CAST: variants seen among roughly 807,000 people sequenced by gnomAD.
CAST encodes the protein calpastatin, also known as MIR583 host.
In CAST, 76 loss-of-function variants were observed where a neutral mutation model predicts 119.6. The observed-to-expected ratio is 0.64, with a 90% confidence interval of 0.53 to 0.77. The LOEUF is 0.77. Among genes scored for constraint, CAST ranks in the 30% least tolerant of loss-of-function variants. The pLI is 0.00. For synonymous variants in CAST, 319 were observed against 331.6 expected (o/e 0.96, Z 0.41); for missense variants, 953 against 946.5 (o/e 1.01, Z -0.09).
the CAST span, among the ~76,000 whole-genome samples, chr5:96,255,241 T>TAAA: frequency 6.6e-6 from 1 of 152,248 alleles, no homozygotes; most frequent in East Asian, 1.9e-4. Flanking sequence ...TGTGTCAAAA[T>TAAA]AAATGCAGGA....
At chr5:96,714,086 C>G (rs997129776) in intron 3 of CAST, among the ~76,000 whole-genome samples, 2 of 152,198 alleles carry the variant, frequency 1.3e-5, no homozygotes, top group Non-Finnish European at 1.5e-5. Flanking sequence ...TCACTGCTGT[C>G]TATTGATGTA....
the CAST span, among the ~76,000 whole-genome samples, chr5:96,009,897 G>T: frequency 6.6e-6 from 1 of 152,066 alleles, no homozygotes; most frequent in Non-Finnish European, 1.5e-5. Context: ...TATTTTATAG[G>T]TTTTCTTCTA....
the CAST span, among the ~76,000 whole-genome samples, chr5:96,013,303 T>C: frequency 6.6e-6 from 1 of 151,498 alleles, no homozygotes; most frequent in African/African-American, 2.4e-5. Flanking sequence ...AATGATAATA[T>C]AGAGAATATA....
At chr5:96,179,227 T>C in the CAST span, among the ~76,000 whole-genome samples, 36 of 152,282 alleles carry the variant, frequency 2.4e-4, 1 homozygote, top group East Asian at 5.4e-3. Flanking sequence ...AGGCTCTCCA[T>C]TGCGTTCAGG....
chr5:96,011,456 G>T, the CAST span, among the ~76,000 whole-genome samples: 1 of 152,154 alleles, frequency 6.6e-6, no homozygotes, highest in African/African-American at 2.4e-5. Context: ...GCTGACATGG[G>T]TACATAGTTG....
the CAST span, among the ~76,000 whole-genome samples, chr5:96,016,135 A>G: frequency 6.6e-6 from 1 of 152,170 alleles, no homozygotes; most frequent in African/African-American, 2.4e-5. Flanking sequence ...TGCCTAGGAG[A>G]TCAGCCTGCC....
the CAST span, among the ~76,000 whole-genome samples, chr5:96,175,440 AT>A: frequency 6.6e-6 from 1 of 152,254 alleles, no homozygotes; most frequent in Non-Finnish European, 1.5e-5. Flanking sequence ...AAAGAACTAA[AT>A]AAGACAAACA....
the CAST span, among the ~76,000 whole-genome samples, chr5:96,050,826 G>A: frequency 6.6e-5 from 10 of 152,178 alleles, no homozygotes; most frequent in South Asian, 2.1e-4. Flanking sequence ...ACCGATGGGC[G>A]AGTACTGGAG....
chr5:96,458,037 C>A, the CAST span, among the ~76,000 whole-genome samples: 2 of 152,020 alleles, frequency 1.3e-5, no homozygotes, highest in Non-Finnish European at 2.9e-5. Flanking sequence ...GTTAACAGCT[C>A]GCCCAGTCTG....
chr5:96,407,957 T>C, the CAST span, among the ~76,000 whole-genome samples: 1 of 152,206 alleles, frequency 6.6e-6, no homozygotes, highest in Admixed American at 6.5e-5. Context: ...GGAGAAAGTA[T>C]GTTTAATATA....
the CAST span, among the ~76,000 whole-genome samples, chr5:96,086,271 C>G: frequency 1.3e-5 from 2 of 151,884 alleles, no homozygotes; most frequent in African/African-American, 4.8e-5. Flanking sequence ...AATGGAGGGC[C>G]CATTTTAATA....
chr5:96,180,425 T>C, the CAST span, among the ~76,000 whole-genome samples: 18 of 152,322 alleles, frequency 1.2e-4, no homozygotes, highest in East Asian at 2.9e-3. Context: ...TCTGGGACCA[T>C]ATGTAGAGCC....
chr5:96,102,545 T>G, the CAST span, among the ~76,000 whole-genome samples: 1 of 152,146 alleles, frequency 6.6e-6, no homozygotes, highest in Non-Finnish European at 1.5e-5. Context: ...AAATTCTCAC[T>G]TTGGGCCGTG....
the CAST span, among the ~76,000 whole-genome samples, chr5:96,308,418 G>A: frequency 4.0e-5 from 6 of 151,698 alleles, no homozygotes; most frequent in Non-Finnish European, 5.9e-5. Context: ...TTAGCTCTGG[G>A]GAATTGTTAT....
At chr5:96,566,515 A>G (rs771500407) in intron 1 of CAST, among the ~76,000 whole-genome samples, 1 of 152,182 alleles carries the variant, frequency 6.6e-6, no homozygotes, top group Non-Finnish European at 1.5e-5. Context: ...TAAAGCAAGA[A>G]AGCTAGGAAT....
At position 96,675,599 on chromosome 5, in the gene CAST, G is replaced by A. The variant is rs750625444; in HGVS notation, c.136G>A (p.Glu46Lys). The change falls in exon 2 of 32, where the codon GAG becomes AAG. Residue 46 changes from glutamate (E) to lysine (K), a missense_variant and splice_region_variant. Glu to Lys is a moderately conservative substitution (Grantham distance 56). Transcript: ENST00000675179. ...SKPGEKKGSD[E>K]KKAASLGSSQ... ...ACCAGGAGAAAAGAAAGGATCAGAT[G>A]AGGTAATTTCCACAATACTGGGCTT... The A allele has an allele frequency of 5.6e-6, 9 of 1,609,802 alleles. No individual in the cohort carries two copies. The Admixed American group carries it at 1.5e-4, about 27-fold the overall frequency.
At chr5:96,045,639 A>G in the CAST span, among the ~76,000 whole-genome samples, 12 of 152,262 alleles carry the variant, frequency 7.9e-5, no homozygotes, top group Middle Eastern at 3.4e-3. Context: ...AATTTTGTGG[A>G]TTGTGTGCCA....
At chr5:96,362,112 C>T in the CAST span, among the ~76,000 whole-genome samples, 2 of 151,988 alleles carry the variant, frequency 1.3e-5, no homozygotes, top group African/African-American at 2.4e-5. Context: ...CGATAGTTTG[C>T]TGAGAATGAT....
the CAST span, among the ~76,000 whole-genome samples, chr5:96,206,286 G>C: frequency 6.6e-6 from 1 of 151,944 alleles, no homozygotes; most frequent in Non-Finnish European, 1.5e-5. Flanking sequence ...GTCTTTTGCT[G>C]TTCAGAAGCT....
Sources: gnomAD v4.1 joint callset for allele counts (sites outside exome capture counted in the v4.1 genomes callset) on GRCh38, gnomAD v4.1.1 for gene constraint, MANE v1.5 for transcripts, NCBI Gene and HGNC (gene_info 2026-07-23, HGNC 2026-07-21) for gene names.